Variants in IL1RL2 observed in about 807,000 individuals in gnomAD.
The protein encoded by IL1RL2 is interleukin-1 receptor-like 2.
A neutral mutation model predicts 66.8 loss-of-function variants in IL1RL2; 68 were observed. That is an observed-to-expected ratio of 1.02 (90% CI 0.84 to 1.25). The LOEUF (loss-of-function observed/expected upper bound fraction) is 1.25. Among genes scored for constraint, IL1RL2 ranks in the 50% most tolerant of loss-of-function variants. IL1RL2 has a pLI of 0.00. For synonymous variants in IL1RL2, 305 were observed against 264.6 expected, an observed-to-expected ratio of 1.15 and a Z score of -1.48; for missense variants, 729 against 709.3, an observed-to-expected ratio of 1.03 and a Z score of -0.32.
In IL1RL2 at chr2:102,187,089, A is replaced by G. The variant is rs1559521391; in HGVS notation, c.-13+3A>G. On this transcript the variant is annotated splice_donor_region_variant and intron_variant, in intron 1 of 11. Coordinates refer to ENST00000264257, the MANE Select transcript of IL1RL2 (RefSeq NM_003854.4). Reference sequence around the variant, plus strand: ...GCGCGCTTCAATCCTGCAGGCAGGTAGACACCGGGCCGGGAGTCTGGCTGA... The same window carrying G: ...GCGCGCTTCAATCCTGCAGGCAGGTGGACACCGGGCCGGGAGTCTGGCTGA... 7.8e-7 allele frequency: 1 copy of G among 1,289,802 alleles called. No homozygotes were observed. Among genetic ancestry groups the G allele is most frequent in the South Asian group, 1.2e-5 (1 of 81,036 alleles). 79.9% of individuals were successfully genotyped at this position (1,289,802 alleles called of 1,614,324 possible). A position where few individuals can be genotyped will look rare whatever the true frequency, so the allele number is the denominator to read the frequency against.
At chr2:102,226,835 A>G (rs1277246865) in intron 9 of IL1RL2, among the ~76,000 whole-genome samples, 1 of 152,212 alleles carries the variant, frequency 6.6e-6, no homozygotes, top group Admixed American at 6.5e-5. Context: ...CAGTGATTAA[A>G]TCCTGCTTTT....
chr2:102,240,387 TTGAGACA>T (rs1273753939), downstream of IL1RL2, among the ~76,000 whole-genome samples: 2 of 145,160 alleles, frequency 1.4e-5, no homozygotes, highest in African/African-American at 5.3e-5. Context: ...TTTTTTTTTT[TTGAGACA>T]GAGTTTCGCT....
intron 2 of IL1RL2, 25 bp downstream of exon 2, chr2:102,187,950 C>T: frequency 6.2e-7 from 1 of 1,608,150 alleles, no homozygotes; most frequent in Non-Finnish European, 8.5e-7. Flanking sequence ...TCCTCCGTTC[C>T]CAGAGGCTGC....
At chr2:102,212,964 TCAAAA>T (rs536665410) in intron 6 of IL1RL2, among the ~76,000 whole-genome samples, 5 of 151,992 alleles carry the variant, frequency 3.3e-5, no homozygotes, top group East Asian at 1.9e-4. Flanking sequence ...AGACTCCGTC[TCAAAA>T]CAAAACAAAA....
At chr2:102,189,020 TA>T in intron 2 of IL1RL2, 55 bp from the exon 3 acceptor site, 1 of 1,358,062 alleles carries the variant, frequency 7.4e-7, no homozygotes, top group Non-Finnish European at 1.0e-6. Context: ...TAACAGTAAA[TA>T]AAACTGAAGT....
intron 5 of IL1RL2, 106 bp downstream of exon 5, chr2:102,201,821 G>A: frequency 8.2e-6 from 9 of 1,102,188 alleles, no homozygotes; most frequent in Middle Eastern, 3.0e-4. Flanking sequence ...TCTAGGTCTT[G>A]GTTTCCCTGA....
chr2:102,206,583 CAG>C (rs1034103094), intron 5 of IL1RL2, among the ~76,000 whole-genome samples: 22 of 152,206 alleles, frequency 1.4e-4, no homozygotes, highest in African/African-American at 4.3e-4. Context: ...CCCAAACAAA[CAG>C]AGTCTGTCTG....
chr2:102,205,402 G>T (rs1688620152), intron 5 of IL1RL2, among the ~76,000 whole-genome samples: 2 of 152,084 alleles, frequency 1.3e-5, no homozygotes, highest in African/African-American at 4.8e-5. Flanking sequence ...TTTTCTTTCT[G>T]ATTGAAGTAC....
chr2:102,201,688 G>A lies in IL1RL2; in HGVS notation c.622G>A (p.Val208Ile), dbSNP rs1449979459. 6.2e-6 allele frequency: 10 copies of A among 1,614,000 alleles called. No homozygotes were observed. The South Asian group carries it at 1.1e-4, about 18-fold the overall frequency. The stretch of plus-strand genomic sequence containing the variant: ...GACACACTCAGGGAAGCAGTACGAG[G>A]TTTTAAATGGCATCACTGTGAGCAT... ...ILTHSGKQYE[V>I]LNGITVSITE... The change falls in exon 5 of 12, where the codon GTT becomes ATT. Residue 208 changes from valine (V) to isoleucine (I), a missense_variant. By Grantham distance (29) the Val-to-Ile change is conservative. Coordinates refer to ENST00000264257, the MANE Select transcript of IL1RL2 (RefSeq NM_003854.4).
chr2:102,209,813 CT>C (rs914264867), intron 5 of IL1RL2, among the ~76,000 whole-genome samples: 43 of 152,256 alleles, frequency 2.8e-4, no homozygotes, highest in African/African-American at 9.9e-4. Flanking sequence ...CAAAAGAGTG[CT>C]GATAGTCTCA....
At chr2:102,235,976 T>G (rs948751973) in intron 11 of IL1RL2, 1 of 979,948 alleles carries the variant, frequency 1.0e-6, no homozygotes, top group Non-Finnish European at 1.2e-6. Context: ...TCCTTTTCTC[T>G]CTCTTTTAGA....
At chr2:102,187,217 C>T in intron 1 of IL1RL2, 131 bp downstream of exon 1, 1 of 1,208,936 alleles carries the variant, frequency 8.3e-7, no homozygotes, top group Non-Finnish European at 1.1e-6. Flanking sequence ...CCAGGCCGGC[C>T]CCCGACCGGC....
At chr2:102,188,655 A>G (rs1004580912) in intron 2 of IL1RL2, among the ~76,000 whole-genome samples, 26 of 151,428 alleles carry the variant, frequency 1.7e-4, no homozygotes, top group African/African-American at 6.1e-4. Flanking sequence ...TTTTTCTTAA[A>G]CAATCGTTTT....
intron 6 of IL1RL2, among the ~76,000 whole-genome samples, chr2:102,214,798 A>G (rs902037015): frequency 6.6e-6 from 1 of 152,196 alleles, no homozygotes; most frequent in African/African-American, 2.4e-5. Flanking sequence ...AAAGATAGAG[A>G]TTATTAGTAT....
chr2:102,201,286 C>G (rs1163765029), intron 4 of IL1RL2, among the ~76,000 whole-genome samples: 2 of 152,106 alleles, frequency 1.3e-5, no homozygotes, highest in African/African-American at 4.8e-5. Context: ...GTAAAATATC[C>G]TTTGTCAAAT....
At chr2:102,201,746 G>T (rs765430600) in intron 5 of IL1RL2, 31 bp downstream of exon 5, 9 of 1,599,038 alleles carry the variant, frequency 5.6e-6, no homozygotes, top group Non-Finnish European at 6.8e-6. Context: ...CTGTCGCCTT[G>T]TATTCTCTTG....
At chr2:102,190,010 A>G (rs901417224) in intron 3 of IL1RL2, among the ~76,000 whole-genome samples, 11 of 152,176 alleles carry the variant, frequency 7.2e-5, no homozygotes, top group African/African-American at 2.4e-4. Flanking sequence ...TCCAGATAGG[A>G]ATGAGCCTCC....
At chr2:102,229,143 AT>A (rs1485169953) in intron 9 of IL1RL2, among the ~76,000 whole-genome samples, 1 of 152,242 alleles carries the variant, frequency 6.6e-6, no homozygotes, top group African/African-American at 2.4e-5. Flanking sequence ...AAAGTAGGGA[AT>A]TGAATAATCT....
chr2:102,219,474 A>G (rs1346733531), intron 7 of IL1RL2, among the ~76,000 whole-genome samples: 1 of 152,240 alleles, frequency 6.6e-6, no homozygotes, highest in Non-Finnish European at 1.5e-5. Context: ...TAGGGAAGAC[A>G]GTGCATAATC....
Sources: allele counts gnomAD v4.1 joint callset (sites outside exome capture counted in the v4.1 genomes callset), GRCh38; gene constraint gnomAD v4.1.1; transcripts MANE v1.5; gene names NCBI Gene and HGNC (gene_info 2026-07-23, HGNC 2026-07-21).